Variants in ANAPC1 observed in about 807,000 individuals in gnomAD.
The protein encoded by ANAPC1 is anaphase promoting complex subunit 1.
Under a neutral mutation model 208.0 loss-of-function variants are expected in ANAPC1, and 36 were observed. The observed-to-expected ratio is 0.17, with a 90% confidence interval of 0.13 to 0.23. ANAPC1 has a LOEUF of 0.23. ANAPC1 is among the 10% of genes least tolerant of loss of function. ANAPC1 has a pLI of 1.00. For missense variants in ANAPC1, 942 were observed against 2,011.6 expected (o/e 0.47, Z 10.17); for synonymous variants, 378 against 695.2 (o/e 0.54, Z 7.18).
chr2:111,793,151 G>T (rs1677980015), intron 37 of ANAPC1, among the ~76,000 whole-genome samples: 1 of 151,990 alleles, frequency 6.6e-6, no homozygotes, highest in South Asian at 2.1e-4. Flanking sequence ...ATGAAATGGA[G>T]ATGTTACTCT....
intron 27 of ANAPC1, among the ~76,000 whole-genome samples, chr2:111,817,736 TATTAA>T (rs559679921): frequency 1.3e-4 from 18 of 137,122 alleles, no homozygotes; most frequent in African/African-American, 4.5e-4. Flanking sequence ...ATTTATCATA[TATTAA>T]ATTATACATT....
chr2:111,789,894 AAAAATTTTC>A (rs1677784152), intron 38 of ANAPC1, among the ~76,000 whole-genome samples: 1 of 151,236 alleles, frequency 6.6e-6, no homozygotes, highest in Non-Finnish European at 1.5e-5. Flanking sequence ...TTTGAAAGGA[AAAAATTTTC>A]AAAAATCATA....
At chr2:111,881,957 G>A (rs1683320522) in intron 1 of ANAPC1, among the ~76,000 whole-genome samples, 2 of 151,970 alleles carry the variant, frequency 1.3e-5, no homozygotes, top group African/African-American at 4.8e-5. Context: ...GGCCAAAGCA[G>A]GCGGATCACT....
intron 1 of ANAPC1, among the ~76,000 whole-genome samples, chr2:111,882,311 G>C (rs961463470): frequency 6.6e-6 from 1 of 152,052 alleles, no homozygotes; most frequent in African/African-American, 2.4e-5. Flanking sequence ...TGCAATCCCC[G>C]TTGTTTCCGT....
chr2:111,777,278 G>T (rs1677042884), intron 45 of ANAPC1, among the ~76,000 whole-genome samples: 1 of 152,132 alleles, frequency 6.6e-6, no homozygotes, highest in Non-Finnish European at 1.5e-5. Context: ...CAGCTTGCAG[G>T]GAAAAGTAAC....
In ANAPC1 at chr2:111,883,942, C is replaced by G. The variant is rs1314401650; in HGVS notation, c.-25G>C. 1.3e-5 allele frequency: 2 copies of G among 152,280 alleles called. No individual in the cohort carries two copies. The highest frequency in any genetic ancestry group is 3.9e-4 in the East Asian group (2 of 5,194). The allele number at this position is 152,280 out of a possible 1,614,324, so 9.4% of individuals were successfully genotyped here. On this transcript the variant is annotated splice_region_variant and 5_prime_UTR_variant, in exon 1 of 48. Coordinates refer to ENST00000341068, the MANE Select transcript of ANAPC1 (RefSeq NM_022662.4). ...AAGTGCTGCGGTACGGCGCCCGCACCTGTATAACTCGGGACGCGTCAGGCG... is the reference window on the plus strand; with the variant it reads ...AAGTGCTGCGGTACGGCGCCCGCACGTGTATAACTCGGGACGCGTCAGGCG...
intron 29 of ANAPC1, 130 bp from the exon 30 acceptor site, chr2:111,806,023 G>A (rs1372379336): frequency 3.4e-5 from 18 of 523,826 alleles, no homozygotes; most frequent in Non-Finnish European, 6.3e-5. Flanking sequence ...AGAAAGTTAT[G>A]ACACTATAAT....
chr2:111,801,285 A>G (rs1197871845), intron 33 of ANAPC1, among the ~76,000 whole-genome samples: 1 of 150,598 alleles, frequency 6.6e-6, no homozygotes, highest in Non-Finnish European at 1.5e-5. Flanking sequence ...TGAACCCAGG[A>G]GGCAAAGGTT....
At chr2:111,834,477 C>G in intron 19 of ANAPC1, 127 bp downstream of exon 19, 4 of 1,233,968 alleles carry the variant, frequency 3.2e-6, no homozygotes, top group Non-Finnish European at 3.2e-6. Flanking sequence ...CAGAGATGCC[C>G]TAGTTTTCTG....
At chr2:111,851,290 A>T (rs946482972) in intron 13 of ANAPC1, among the ~76,000 whole-genome samples, 1 of 152,078 alleles carries the variant, frequency 6.6e-6, no homozygotes, top group African/African-American at 2.4e-5. Context: ...TTTGGTAGAG[A>T]CAGGGTTTCA....
chr2:111,796,666 G>T (rs1423700759), intron 34 of ANAPC1, among the ~76,000 whole-genome samples: 1 of 145,346 alleles, frequency 6.9e-6, no homozygotes, highest in Non-Finnish European at 1.5e-5. Context: ...GTGCTATGAA[G>T]ATGCTAGTTG....
In ANAPC1 at chr2:111,831,401, A is replaced by C; in HGVS notation, c.2510T>G (p.Phe837Cys). Residue 837 changes from phenylalanine to cysteine, a missense_variant, in exon 21 of 48, where the codon TTT (phenylalanine) becomes TGT (cysteine). Coordinates refer to ENST00000341068, the MANE Select transcript of ANAPC1 (RefSeq NM_022662.4). ...QTGFMHHPSFFTSEPPSIYQW... is the reference protein window; with the variant it reads ...QTGFMHHPSFCTSEPPSIYQW... ...ATAAATACTTGGTGGCTCAGACGTAAAAAATGATGGATGATGCATAAATCC... is the reference window on the plus strand; with the variant it reads ...ATAAATACTTGGTGGCTCAGACGTACAAAATGATGGATGATGCATAAATCC... 1 of 1,611,030 alleles carries C rather than the reference A, an allele frequency of 6.2e-7. No individual in the cohort carries two copies. Among genetic ancestry groups the C allele is most frequent in the Middle Eastern group, 2.3e-4 (1 of 4,428 alleles).
At chr2:111,857,291 G>A (rs1238746609) in intron 11 of ANAPC1, among the ~76,000 whole-genome samples, 1 of 117,148 alleles carries the variant, frequency 8.5e-6, no homozygotes, top group Non-Finnish European at 2.0e-5. Context: ...GAGGTTACCT[G>A]TGAGGGAAAA....
chr2:111,870,260 T>C (rs913235352), intron 6 of ANAPC1, among the ~76,000 whole-genome samples: 14 of 152,248 alleles, frequency 9.2e-5, no homozygotes, highest in Admixed American at 6.5e-4. Context: ...GATTGAATGG[T>C]AGACGTACTT....
chr2:111,842,019 C>G (rs1170962122), intron 17 of ANAPC1, among the ~76,000 whole-genome samples: 1 of 152,128 alleles, frequency 6.6e-6, no homozygotes, highest in East Asian at 1.9e-4. Context: ...CACAGTTTCT[C>G]TTTTAAGATT....
intron 46 of ANAPC1, among the ~76,000 whole-genome samples, chr2:111,773,317 G>A (rs1398821144): frequency 1.3e-5 from 2 of 152,224 alleles, no homozygotes; most frequent in African/African-American, 4.8e-5. Flanking sequence ...CTGAGCTAGA[G>A]GTGAACATGT....
rs1372670428 is a variant in ANAPC1 at position 111,788,259 on chromosome 2, A to G, written c.4774T>C (p.Phe1592Leu). The change falls in exon 39 of 48, where the codon TTC becomes CTC. Residue 1592 changes from phenylalanine (F) to leucine (L), a missense_variant. By Grantham distance (22) the Phe-to-Leu change is conservative (BLOSUM62 0). Coordinates refer to ENST00000341068, the MANE Select transcript of ANAPC1 (RefSeq NM_022662.4). ...AALLCALYPH[F>L]PAHSTDNRYH... ...CGGTTGTCAGTGCTGTGAGCTGGGA[A>G]GTGCGGATAAAGGGCACAGAGAAGA... The G allele has an allele frequency of 6.2e-7, 1 of 1,613,528 alleles. No homozygotes were observed. The highest frequency in any genetic ancestry group is 1.3e-5 in the African/African-American group (1 of 74,924).
At position 111,850,876 on chromosome 2, in the gene ANAPC1, G is replaced by C; in HGVS notation, c.1550C>G (p.Pro517Arg). Residue 517 changes from proline to arginine, a missense_variant, in exon 14 of 48, where the codon CCC (proline) becomes CGC (arginine). Coordinates refer to ENST00000341068, the MANE Select transcript of ANAPC1 (RefSeq NM_022662.4). The part of the protein sequence containing the change: ...GKVFIPGLPA[P>R]SLTMSNTMPR... Reference sequence around the variant, plus strand: ...CATTGTGTTGGACATCGTCAGAGAGGGAGCTGGCAGTCCAGGAATAAAAAC... The same window carrying C: ...CATTGTGTTGGACATCGTCAGAGAGCGAGCTGGCAGTCCAGGAATAAAAAC... 6.2e-7 allele frequency: 1 copy of C among 1,605,994 alleles called. No homozygotes were observed. The highest frequency in any genetic ancestry group is 8.5e-7 in the Non-Finnish European group (1 of 1,178,470).
At chr2:111,861,727 G>A (rs1408706136) in intron 10 of ANAPC1, among the ~76,000 whole-genome samples, 1 of 113,838 alleles carries the variant, frequency 8.8e-6, no homozygotes, top group Non-Finnish European at 1.8e-5. Flanking sequence ...TCTAAGCTAT[G>A]TTTCCCAAAA....
Sources: allele counts gnomAD v4.1 joint callset (sites outside exome capture counted in the v4.1 genomes callset), GRCh38; gene constraint gnomAD v4.1.1; transcripts MANE v1.5; gene names NCBI Gene and HGNC (gene_info 2026-07-23, HGNC 2026-07-21).